CD1B: variants seen among roughly 807,000 people sequenced by gnomAD.
CD1B encodes the protein T-cell surface glycoprotein CD1b.
A neutral mutation model predicts 39.8 loss-of-function variants in CD1B; 43 were observed. That is an observed-to-expected ratio of 1.08 (90% CI 0.85 to 1.39). CD1B has a LOEUF of 1.39. CD1B is among the 40% of genes most tolerant of loss of function. The pLI, the probability that CD1B is intolerant of heterozygous loss-of-function variation, is 0.00. For missense variants in CD1B, 495 were observed against 403.8 expected (o/e 1.23, Z -1.94); for synonymous variants, 192 against 152.5 (o/e 1.26, Z -1.91).
At chr1:158,316,554 T>G in the CD1B span, among the ~76,000 whole-genome samples, 22 of 152,000 alleles carry the variant, frequency 1.4e-4, no homozygotes, top group African/African-American at 4.1e-4. Flanking sequence ...AAGGAGATTT[T>G]GGGCTGAGAC....
chr1:158,314,712 T>C, the CD1B span, among the ~76,000 whole-genome samples: 8 of 152,168 alleles, frequency 5.3e-5, no homozygotes, highest in Non-Finnish European at 1.0e-4. Flanking sequence ...TTGTGCATGT[T>C]AGTTACGTAT....
At chr1:158,317,751 T>A in the CD1B span, among the ~76,000 whole-genome samples, 1 of 152,352 alleles carries the variant, frequency 6.6e-6, no homozygotes, top group East Asian at 1.9e-4. Context: ...TTAACTGTGA[T>A]GTTAGGATGT....
chr1:158,292,382 C>T, the CD1B span: 8 of 1,602,996 alleles, frequency 5.0e-6, no homozygotes, highest in East Asian at 6.7e-5. Context: ...AGTTTCAGCC[C>T]CTTCCTCTAA....
chr1:158,291,396 G>T, the CD1B span: 25 of 1,612,856 alleles, frequency 1.6e-5, 1 homozygote, highest in South Asian at 2.7e-4. Flanking sequence ...AAGATTACTC[G>T]AAATGTAAGT....
chr1:158,308,079 G>T, the CD1B span, among the ~76,000 whole-genome samples: 1 of 152,170 alleles, frequency 6.6e-6, no homozygotes, highest in East Asian at 1.9e-4. Context: ...TGTATATCTA[G>T]AAAACCCCAT....
chr1:158,304,857 C>T, the CD1B span, among the ~76,000 whole-genome samples: 1 of 152,222 alleles, frequency 6.6e-6, no homozygotes, highest in Non-Finnish European at 1.5e-5. Context: ...CAAACTCCAA[C>T]AGACCTGCTG....
At chr1:158,309,230 A>G in the CD1B span, among the ~76,000 whole-genome samples, 1 of 152,230 alleles carries the variant, frequency 6.6e-6, no homozygotes, top group Non-Finnish European at 1.5e-5. Flanking sequence ...CACATGAAAA[A>G]ACGGTCATCA....
the CD1B span, among the ~76,000 whole-genome samples, chr1:158,319,158 C>G: frequency 1.3e-4 from 20 of 151,036 alleles, no homozygotes; most frequent in Non-Finnish European, 2.9e-4. Flanking sequence ...TTGCTCTTCT[C>G]GAGGAGTATC....
At position 158,329,011 on chromosome 1, in the gene CD1B, T is replaced by G. The variant is rs542028090; in HGVS notation, c.890A>C (p.Asn297Thr). ...AACAATTGAGCCAATGGAGGTGGGG[T>G]TTCCTGGCAATTGAGAGAGGACAAA... ...EGQDIILYWR[N>T]PTSIGSIVLA... Residue 297 changes from asparagine to threonine, a missense_variant, in exon 5 of 6, where the codon AAC becomes ACC. Transcript: ENST00000368168. 1.1e-5 allele frequency: 18 copies of G among 1,611,764 alleles called. No individual in the cohort carries two copies. The highest frequency in any genetic ancestry group is 1.5e-5 in the Non-Finnish European group (18 of 1,179,080).
chr1:158,285,489 T>G, the CD1B span, among the ~76,000 whole-genome samples: 1 of 151,986 alleles, frequency 6.6e-6, no homozygotes, highest in Non-Finnish European at 1.5e-5. Flanking sequence ...GGTGATAAGA[T>G]AGAGAGGAGA....
chr1:158,295,313 G>C, the CD1B span, among the ~76,000 whole-genome samples: 1 of 152,034 alleles, frequency 6.6e-6, no homozygotes, highest in African/African-American at 2.4e-5. Flanking sequence ...CCCTACACAG[G>C]GTTGCCAAAC....
chr1:158,289,276 C>A, the CD1B span, among the ~76,000 whole-genome samples: 1 of 152,126 alleles, frequency 6.6e-6, no homozygotes, highest in African/African-American at 2.4e-5. Context: ...GTTTATATGC[C>A]TAGTAAGACA....
chr1:158,310,258 C>G, the CD1B span, among the ~76,000 whole-genome samples: 1 of 152,138 alleles, frequency 6.6e-6, no homozygotes, highest in Non-Finnish European at 1.5e-5. Context: ...TGCTAACTGG[C>G]TAGCCATATG....
Position 158,330,147 on chromosome 1 carries a change from G to T in CD1B, c.329-17C>A, listed in dbSNP as rs781055549. 7.3e-5 allele frequency: 115 copies of T among 1,572,144 alleles called. No individual in the cohort carries two copies. The highest frequency in any genetic ancestry group is 3.4e-4 in the Middle Eastern group (2 of 5,838). ...CAAAGGGGTCTATGTAGAGGGAAAA[G>T]AGAGCAAGTTATTAAACACAAATAA... On this transcript the variant is annotated splice_polypyrimidine_tract_variant and intron_variant, in intron 2 of 5. Coordinates refer to ENST00000368168, the MANE Select transcript of CD1B (RefSeq NM_001764.3).
intron 2 of CD1B, 73 bp downstream of exon 2, chr1:158,330,723 A>T (rs1164543039): frequency 7.0e-7 from 1 of 1,431,452 alleles, no homozygotes; most frequent in Non-Finnish European, 9.9e-7. Flanking sequence ...AGCATCAGAG[A>T]GAGCAACACT....
rs1470202166 is a variant in CD1B, at chr1:158,328,929, C to A, written c.972G>T (p.Met324Ile). The A allele has an allele frequency of 1.2e-6, 2 of 1,609,136 alleles. No individual in the cohort carries two copies. Among genetic ancestry groups the A allele is most frequent in the African/African-American group, 2.7e-5 (2 of 74,376 alleles). Reference protein sequence around the residue: ...LLLLCLALWYMRRRSYQNIP With the variant: ...LLLLCLALWYIRRRSYQNIP Reference sequence around the variant, plus strand: ...CACCACCCACAACTCACCGGCGCCTCATATACCATAATGCAAGGCATAGCA... The same window carrying A: ...CACCACCCACAACTCACCGGCGCCTAATATACCATAATGCAAGGCATAGCA... Residue 324 changes from methionine (M) to isoleucine (I), a missense_variant, in exon 5 of 6, where the codon ATG (methionine) becomes ATT (isoleucine). By Grantham distance (10) the Met-to-Ile change is conservative (BLOSUM62 1). Coordinates refer to ENST00000368168, the MANE Select transcript of CD1B (RefSeq NM_001764.3).
chr1:158,319,163 A>C, the CD1B span, among the ~76,000 whole-genome samples: 1 of 150,906 alleles, frequency 6.6e-6, no homozygotes, highest in Non-Finnish European at 1.5e-5. Context: ...CTTCTCGAGG[A>C]GTATCTTTGT....
rs1652603971 is a variant in CD1B, at chr1:158,331,482, A to G, written c.-59T>C. The G allele has an allele frequency of 1.4e-6, 2 of 1,422,068 alleles. No individual in the cohort carries two copies. The highest frequency in any genetic ancestry group is 3.5e-5 in the Admixed American group (2 of 57,802). The allele number at this position is 1,422,068 out of a possible 1,614,324, so 88.1% of individuals were successfully genotyped here. ...CTGGTATTTGATCTCCAATTTCAGCAAAGCTTTTCCTCAGTACCCTGTAGT... is the reference window on the plus strand; with the variant it reads ...CTGGTATTTGATCTCCAATTTCAGCGAAGCTTTTCCTCAGTACCCTGTAGT... On this transcript the variant is annotated 5_prime_UTR_variant, in exon 1 of 6. Transcript: ENST00000368168.
chr1:158,329,685 A>T (rs751477352), intron 3 of CD1B, 37 bp from the exon 4 acceptor site: 1 of 1,604,334 alleles, frequency 6.2e-7, no homozygotes, highest in Non-Finnish European at 8.5e-7. Context: ...GTCATGTTAT[A>T]ACTCGAGTTC....
Sources: gnomAD v4.1 joint callset for allele counts (sites outside exome capture counted in the v4.1 genomes callset) on GRCh38, gnomAD v4.1.1 for gene constraint, MANE v1.5 for transcripts, NCBI Gene and HGNC (gene_info 2026-07-23, HGNC 2026-07-21) for gene names.